PPP4R3B: variants seen among roughly 807,000 people sequenced by gnomAD.
The protein encoded by PPP4R3B is protein phosphatase 4 regulatory subunit 3B, also known as serine/threonine-protein phosphatase 4 regulatory subunit 3B.
A neutral mutation model predicts 95.4 loss-of-function variants in PPP4R3B; 52 were observed. The observed-to-expected ratio is 0.54, with a 90% confidence interval of 0.44 to 0.69. The LOEUF is 0.69. Ranked by LOEUF, PPP4R3B falls within the 30% of genes least tolerant of loss-of-function variation. The probability of loss-of-function intolerance (pLI) is 0.00; values close to 1 mark genes in which losing one functional copy is unlikely to be tolerated. For synonymous variants in PPP4R3B, 407 were observed against 343.9 expected, an observed-to-expected ratio of 1.18 and a Z score of -2.03; for missense variants, 1,003 against 1,005.9, an observed-to-expected ratio of 1.00 and a Z score of 0.04.
At chr2:55,613,372 C>T (rs539809829) in intron 2 of PPP4R3B, among the ~76,000 whole-genome samples, 84 of 149,028 alleles carry the variant, frequency 5.6e-4, no homozygotes, top group African/African-American at 1.8e-3. Context: ...AAAAGCCCAA[C>T]GAAAAAATAA....
chr2:55,577,272 T>C (rs1276882835), intron 11 of PPP4R3B, 43 bp downstream of exon 11: 34 of 1,523,892 alleles, frequency 2.2e-5, no homozygotes, highest in African/African-American at 2.9e-5. Context: ...TAGAAAAAAG[T>C]TTATAATTTG....
chr2:55,598,839 C>G lies in PPP4R3B; in HGVS notation c.498G>C (p.Leu166Phe). The change falls in exon 4 of 17, where the codon TTG becomes TTC. Residue 166 changes from leucine to phenylalanine, a missense_variant. Transcript: ENST00000616407. ...GTTTTTTAATATAGCCTTCATTTTC[C>G]AAGGCGAGAGCCAGCTTTTCCCTAC... ...PIRREKLALALENEGYIKKLL... is the reference protein window; with the variant it reads ...PIRREKLALAFENEGYIKKLL... 6.2e-7 allele frequency: 1 copy of G among 1,614,160 alleles called. No homozygotes were observed. Among genetic ancestry groups the G allele is most frequent in the Non-Finnish European group, 8.5e-7 (1 of 1,180,020 alleles).
chr2:55,554,991 G>C lies in PPP4R3B; in HGVS notation c.2454+3784C>G, dbSNP rs1483517426. Among the ~76,000 whole-genome samples the C allele has an allele frequency of 2.0e-5, 3 of 152,124 alleles. No homozygotes were observed. The East Asian group carries it at 5.8e-4, about 29-fold the overall frequency. ...TCCAGTTGTAACATTTATTGAAAAG[G>C]GTATTGTGGCCGGGCGCGGTGGCTC... On this transcript the variant is annotated intron_variant, in intron 16 of 16. Transcript: ENST00000616407.
At chr2:55,600,779 AC>A (rs1361640202) in intron 3 of PPP4R3B, among the ~76,000 whole-genome samples, 1 of 152,170 alleles carries the variant, frequency 6.6e-6, no homozygotes, top group Non-Finnish European at 1.5e-5. Context: ...ATTTAAAAAA[AC>A]AATGACAAAT....
chr2:55,568,199 T>C lies in PPP4R3B; in HGVS notation c.1930A>G (p.Arg644Gly), dbSNP rs770577012. 1.3e-6 allele frequency: 2 copies of C among 1,548,142 alleles called. No individual in the cohort carries two copies. Residue 644 changes from arginine (R) to glycine (G), a missense_variant, in exon 13 of 17, where the codon AGA (arginine) becomes GGA (glycine). By Grantham distance (125) the Arg-to-Gly change is moderately radical. This residue lies in a region of PPP4R3B where 79 missense variants were observed against 124.9 expected (regional missense o/e 0.63). Coordinates refer to ENST00000616407, the MANE Select transcript of PPP4R3B (RefSeq NM_001122964.3). Reference protein sequence around the residue: ...SAVIELFEFIRVEDIKSLTAH... With the variant: ...SAVIELFEFIGVEDIKSLTAH... ...GCTGTTTTATATAAACTTACCACTC[T>C]TATAAATTCAAACAACTCAATAACA...
Position 55,549,858 on chromosome 2 carries a change from T to G in PPP4R3B, c.*53A>C. ...TTTCTGATTCAGATTTTCAGCTCAC[T>G]GAACAGTTGCAGCATTGTAAGACCA... On this transcript the variant is annotated 3_prime_UTR_variant, in exon 17 of 17. Coordinates refer to ENST00000616407, the MANE Select transcript of PPP4R3B (RefSeq NM_001122964.3). 1 of 1,324,894 alleles carries G rather than the reference T, an allele frequency of 7.5e-7. No homozygotes were observed. Among genetic ancestry groups the G allele is most frequent in the East Asian group, 2.3e-5 (1 of 43,486 alleles). 82.1% of individuals were successfully genotyped at this position (1,324,894 alleles called of 1,614,324 possible).
intron 16 of PPP4R3B, among the ~76,000 whole-genome samples, chr2:55,554,442 G>A (rs1307578287): frequency 1.3e-5 from 2 of 152,152 alleles, no homozygotes; most frequent in South Asian, 4.1e-4. Context: ...TTTTATTATA[G>A]CTATCCTAGA....
Position 55,577,357 on chromosome 2 carries a change from C to A in PPP4R3B, c.1565-1G>T. On this transcript the variant is annotated splice_acceptor_variant, in intron 10 of 16. Transcript: ENST00000616407. LOFTEE classifies it high-confidence loss of function. The stretch of plus-strand genomic sequence containing the variant: ...TTTTTGTTTGATCCAACTATATTAT[C>A]TAATAAAAAAATTAAAAATTAAAAT... The A allele has an allele frequency of 6.7e-7, 1 of 1,499,596 alleles. No homozygotes were observed. The highest frequency in any genetic ancestry group is 8.9e-7 in the Non-Finnish European group (1 of 1,126,772). 92.9% of individuals were successfully genotyped at this position (1,499,596 alleles called of 1,614,324 possible). A position where few individuals can be genotyped will look rare whatever the true frequency, so the allele number is the denominator to read the frequency against.
chr2:55,613,529 T>C (rs1333907642), intron 2 of PPP4R3B, among the ~76,000 whole-genome samples: 2 of 152,188 alleles, frequency 1.3e-5, no homozygotes, highest in African/African-American at 2.4e-5. Context: ...ACTAATTTTC[T>C]AGTAGAGCAA....
intron 3 of PPP4R3B, among the ~76,000 whole-genome samples, chr2:55,600,651 T>C (rs1391644729): frequency 1.3e-5 from 2 of 151,874 alleles, no homozygotes; most frequent in Admixed American, 1.3e-4. Flanking sequence ...TTTTAAGAAG[T>C]AGAGTGCTGC....
chr2:55,601,371 C>A (rs890426618), intron 3 of PPP4R3B, among the ~76,000 whole-genome samples: 53 of 151,752 alleles, frequency 3.5e-4, no homozygotes, highest in Admixed American at 2.7e-3. Flanking sequence ...TGAACCAGAC[C>A]AACTGTCTTT....
In PPP4R3B at chr2:55,599,028, T is replaced by C. The variant is rs917044972; in HGVS notation, c.309A>G (p.Lys103=). The C allele has an allele frequency of 3.7e-6, 6 of 1,605,514 alleles. No homozygotes were observed. Residue 103 remains lysine (K), a synonymous_variant, in exon 4 of 17, where the codon AAA becomes AAG. Transcript: ENST00000616407. The part of the protein sequence containing the change: ...IWEKICQVQG[K]DPSVEVTQDL... ...CCTGTGTGACTTCCACTGATGGGTC[T>C]TTACCTTGAACCTAAAAATATCCAA...
At chr2:55,583,110 G>T (rs1689648080) in intron 7 of PPP4R3B, among the ~76,000 whole-genome samples, 1 of 152,054 alleles carries the variant, frequency 6.6e-6, no homozygotes, top group South Asian at 2.1e-4. Flanking sequence ...TTTGAATGCT[G>T]AGCATTTATT....
chr2:55,598,393 G>A (rs747513906), intron 4 of PPP4R3B, 23 bp downstream of exon 4: 14 of 1,604,116 alleles, frequency 8.7e-6, no homozygotes, highest in African/African-American at 2.7e-5. Flanking sequence ...AAATGGAATC[G>A]TGAAGAGTAT....
intron 3 of PPP4R3B, among the ~76,000 whole-genome samples, chr2:55,599,535 T>C (rs1290907355): frequency 1.3e-5 from 2 of 152,254 alleles, no homozygotes; most frequent in African/African-American, 2.4e-5. Context: ...GTAGGGCCCC[T>C]TCCCCTATTG....
At chr2:55,565,329 T>G (rs1461975592) in intron 13 of PPP4R3B, among the ~76,000 whole-genome samples, 4 of 148,238 alleles carry the variant, frequency 2.7e-5, no homozygotes, top group African/African-American at 1.0e-4. Flanking sequence ...TATATATATA[T>G]AGCAGTTTAC....
chr2:55,557,338 G>A (rs779873949), intron 16 of PPP4R3B, among the ~76,000 whole-genome samples: 9 of 152,140 alleles, frequency 5.9e-5, no homozygotes, highest in Non-Finnish European at 1.3e-4. Flanking sequence ...CCACAGGTGT[G>A]TGCCACCACA....
At chr2:55,597,046 G>C (rs1039198349) in intron 4 of PPP4R3B, among the ~76,000 whole-genome samples, 1 of 152,200 alleles carries the variant, frequency 6.6e-6, no homozygotes, top group African/African-American at 2.4e-5. Context: ...TGGTTACTAA[G>C]AGCTGGAAGG....
rs1685012889 is a variant in PPP4R3B at position 55,549,533 on chromosome 2, A to G, written c.*378T>C. 5.6e-6 allele frequency: 1 copy of G among 177,514 alleles called. No individual in the cohort carries two copies. The highest frequency in any genetic ancestry group is 1.2e-5 in the Non-Finnish European group (1 of 84,202). 11.0% of individuals were successfully genotyped at this position (177,514 alleles called of 1,614,324 possible). A position where few individuals can be genotyped will look rare whatever the true frequency, so the allele number is the denominator to read the frequency against. On this transcript the variant is annotated 3_prime_UTR_variant, in exon 17 of 17. Transcript: ENST00000616407. ...ATACAAGTAATGTTATTGAGTTTACAACTGAAGTTCTGTAAAATTGTTTCT... is the reference window on the plus strand; with the variant it reads ...ATACAAGTAATGTTATTGAGTTTACGACTGAAGTTCTGTAAAATTGTTTCT...
Sources: allele counts gnomAD v4.1 joint callset (sites outside exome capture counted in the v4.1 genomes callset), GRCh38; gene constraint gnomAD v4.1.1; regional missense constraint gnomAD v4.1.1; transcripts MANE v1.5; gene names NCBI Gene and HGNC (gene_info 2026-07-23, HGNC 2026-07-21).